Variants in ZFC3H1 observed in about 807,000 individuals in gnomAD.
ZFC3H1 encodes the protein zinc finger C3H1-type containing, also known as zinc finger C3H1 domain-containing protein.
In ZFC3H1, 71 loss-of-function variants were observed where a neutral mutation model predicts 243.7. The observed-to-expected ratio is 0.29, with a 90% CI of 0.24 to 0.36. The LOEUF (loss-of-function observed/expected upper bound fraction) is 0.36, where lower values mean the gene tolerates loss of function less well. Ranked by LOEUF, ZFC3H1 falls within the 10% of genes least tolerant of loss-of-function variation. The pLI is 1.00. For missense variants in ZFC3H1, 1,966 were observed against 2,317.1 expected, an observed-to-expected ratio of 0.85 and a Z score of 3.11; for synonymous variants, 838 against 813.0, an observed-to-expected ratio of 1.03 and a Z score of -0.52.
chr12:71,643,942 C>CA (rs1880662852), intron 5 of ZFC3H1, among the ~76,000 whole-genome samples, 153 bp downstream of exon 5: 1 of 152,226 alleles, frequency 6.6e-6, no homozygotes, highest in Admixed American at 6.5e-5. Flanking sequence ...CCAATACCTA[C>CA]AACTATAAAA....
At position 71,629,671 on chromosome 12, in the gene ZFC3H1, C is replaced by T. The variant is rs956138284; in HGVS notation, c.3764G>A (p.Arg1255Gln). The change falls in exon 19 of 35, where the codon CGA becomes CAA. Residue 1255 changes from arginine to glutamine, a missense_variant. Coordinates refer to ENST00000378743, the MANE Select transcript of ZFC3H1 (RefSeq NM_144982.5). ...VEKLFGVNKD[R>Q]MSMDQMAVLL... ...AACAGCCATCTGGTCCATTGACATT[C>T]GATCTTTGTTTACTCCAAAAAGTTT... is the stretch of plus-strand genomic sequence containing the variant. 6 of 1,613,132 alleles carry T rather than the reference C, an allele frequency of 3.7e-6. No individual in the cohort carries two copies. The highest frequency in any genetic ancestry group is 2.2e-5 in the East Asian group (1 of 44,832).
rs141519253 is a variant in ZFC3H1 at position 71,656,745 on chromosome 12, T to C, written c.1015+140A>G. Reference sequence around the variant, plus strand: ...GTAAACAAAATTAGTAATTATTCAATGATATGAATGTCTACATAGAAAGTA... The same window carrying C: ...GTAAACAAAATTAGTAATTATTCAACGATATGAATGTCTACATAGAAAGTA... On this transcript the variant is annotated intron_variant, in intron 2 of 34. Coordinates refer to ENST00000378743, the MANE Select transcript of ZFC3H1 (RefSeq NM_144982.5). 1.8e-4 allele frequency: 148 copies of C among 842,284 alleles called. No homozygotes were observed. The African/African-American group carries it at 2.2e-3, about 12-fold the overall frequency. The allele number at this position is 842,284 out of a possible 1,614,324, so 52.2% of individuals were successfully genotyped here.
intron 2 of ZFC3H1, chr12:71,656,607 C>T (rs1881025153): frequency 1.6e-6 from 1 of 611,648 alleles, no homozygotes; most frequent in South Asian, 2.0e-5. Flanking sequence ...ATGTCAAAAC[C>T]ATTTTCTTTA....
In ZFC3H1 at chr12:71,644,214, C is replaced by T; in HGVS notation, c.1384G>A (p.Glu462Lys). The T allele has an allele frequency of 6.2e-7, 1 of 1,612,686 alleles. No individual in the cohort carries two copies. The highest frequency in any genetic ancestry group is 8.5e-7 in the Non-Finnish European group (1 of 1,179,168). ...KEEDQRKQAE[E>K]EERRKREEEI... ...TCCTCTCTTTTCCTTCTCTCTTCTT[C>T]TTCAGCTTGTTTCCGCTGATCCTCT... is the stretch of plus-strand genomic sequence containing the variant. Residue 462 changes from glutamate (E) to lysine (K), a missense_variant, in exon 5 of 35, where the codon GAA becomes AAA. By Grantham distance (56) the Glu-to-Lys change is moderately conservative. Around this residue, in one of 4 missense-constraint regions of ZFC3H1, gnomAD observed 91 missense variants for 107.6 expected, o/e 0.85. Coordinates refer to ENST00000378743, the MANE Select transcript of ZFC3H1 (RefSeq NM_144982.5).
chr12:71,646,102 T>G (rs2137550268), intron 3 of ZFC3H1, among the ~76,000 whole-genome samples: 1 of 152,334 alleles, frequency 6.6e-6, no homozygotes, highest in Admixed American at 6.5e-5. Context: ...TTTCTATTGT[T>G]AAACATAAAG....
chr12:71,614,219 GT>G (rs148326357), intron 30 of ZFC3H1, among the ~76,000 whole-genome samples: 2,007 of 152,042 alleles, frequency 0.013, 42 homozygotes, highest in African/African-American at 0.045. Flanking sequence ...AACATTACAG[GT>G]ATTACAATAG....
chr12:71,634,736 A>C lies in ZFC3H1; in HGVS notation c.2328T>G (p.Ile776Met), dbSNP rs777184263. The part of the protein sequence containing the change: ...TPEALPEEKK[I>M]EYRLLKEEIA... ...TCTCTTCCTTTAACAATCTATATTC[A>C]ATCTTCTTTTCTTCAGGCAAAGCCT... Residue 776 changes from isoleucine (I) to methionine (M), a missense_variant, in exon 11 of 35, where the codon ATT becomes ATG. Around this residue, in one of 4 missense-constraint regions of ZFC3H1, gnomAD observed 1,383 missense variants for 1,723.7 expected, o/e 0.80. Coordinates refer to ENST00000378743, the MANE Select transcript of ZFC3H1 (RefSeq NM_144982.5). The C allele has an allele frequency of 3.7e-6, 6 of 1,604,512 alleles. No individual in the cohort carries two copies. Among genetic ancestry groups the C allele is most frequent in the Admixed American group, 1.7e-5 (1 of 58,040 alleles).
intron 1 of ZFC3H1, among the ~76,000 whole-genome samples, chr12:71,662,181 A>G (rs925797581): frequency 1.3e-5 from 2 of 152,236 alleles, no homozygotes; most frequent in African/African-American, 4.8e-5. Flanking sequence ...ATGCTGAGTA[A>G]ACTCAGTAAT....
At chr12:71,615,912 T>C (rs959055487) in intron 27 of ZFC3H1, among the ~76,000 whole-genome samples, 4 of 152,148 alleles carry the variant, frequency 2.6e-5, no homozygotes, top group Non-Finnish European at 4.4e-5. Context: ...CATAATCCTC[T>C]AAATAAACCT....
chr12:71,663,634 A>C lies in ZFC3H1; in HGVS notation c.-24T>G. The C allele has an allele frequency of 6.3e-7, 1 of 1,599,094 alleles. No homozygotes were observed. On this transcript the variant is annotated 5_prime_UTR_variant, in exon 1 of 35. Coordinates refer to ENST00000378743, the MANE Select transcript of ZFC3H1 (RefSeq NM_144982.5). ...ATCCGGGGAGCAGCGCCTTCCACACAACCTTAGCCCTCCGTCCGGGGATCC... is the reference window on the plus strand; with the variant it reads ...ATCCGGGGAGCAGCGCCTTCCACACCACCTTAGCCCTCCGTCCGGGGATCC...
At chr12:71,658,282 A>ATTTTTTTTTT (rs11454442) in intron 1 of ZFC3H1, among the ~76,000 whole-genome samples, 3 of 92,810 alleles carry the variant, frequency 3.2e-5, no homozygotes, top group African/African-American at 4.4e-5. Flanking sequence ...TCATTTATAG[A>ATTTTTTTTTT]TTTTTTTTTT....
intron 2 of ZFC3H1, among the ~76,000 whole-genome samples, chr12:71,653,270 G>A (rs1011330611): frequency 1.3e-5 from 2 of 152,132 alleles, no homozygotes; most frequent in Non-Finnish European, 2.9e-5. Flanking sequence ...TCAGTAAGTG[G>A]GCTTAAGGCA....
At chr12:71,642,169 C>A (rs1196327549) in intron 6 of ZFC3H1, among the ~76,000 whole-genome samples, 2 of 152,136 alleles carry the variant, frequency 1.3e-5, no homozygotes, top group African/African-American at 4.8e-5. Flanking sequence ...CTTTCTAGAG[C>A]AAACAGTTAA....
chr12:71,627,031 A>C (rs1880187005), intron 21 of ZFC3H1, among the ~76,000 whole-genome samples: 1 of 152,190 alleles, frequency 6.6e-6, no homozygotes, highest in Non-Finnish European at 1.5e-5. Context: ...AAAGTTAAAT[A>C]AGCAACACAT....
At chr12:71,639,479 A>T in intron 6 of ZFC3H1, 1 of 198,048 alleles carries the variant, frequency 5.0e-6, no homozygotes, top group East Asian at 1.6e-4. Flanking sequence ...TAATAGTCAG[A>T]CACTTGATGG....
chr12:71,623,319 T>A (rs1450767794), intron 24 of ZFC3H1, 41 bp downstream of exon 24: 1 of 1,487,566 alleles, frequency 6.7e-7, no homozygotes, highest in African/African-American at 1.4e-5. Flanking sequence ...AACACTGATG[T>A]TATAACAGTT....
chr12:71,612,619 G>A (rs1879799984), intron 31 of ZFC3H1, among the ~76,000 whole-genome samples: 1 of 152,116 alleles, frequency 6.6e-6, no homozygotes, highest in African/African-American at 2.4e-5. Flanking sequence ...TAAATGAAAT[G>A]TAAATCCTTT....
At chr12:71,650,901 C>T (rs1407310837) in intron 2 of ZFC3H1, among the ~76,000 whole-genome samples, 3 of 152,184 alleles carry the variant, frequency 2.0e-5, no homozygotes, top group Non-Finnish European at 4.4e-5. Context: ...GATCTGCCCC[C>T]TCCTGCCATC....
chr12:71,658,282 A>ATTTTTTTTT (rs11454442), intron 1 of ZFC3H1, among the ~76,000 whole-genome samples: 3 of 92,808 alleles, frequency 3.2e-5, no homozygotes, highest in African/African-American at 4.4e-5. Flanking sequence ...TCATTTATAG[A>ATTTTTTTTT]TTTTTTTTTT....
Sources: gnomAD v4.1 joint callset for allele counts (sites outside exome capture counted in the v4.1 genomes callset) on GRCh38, gnomAD v4.1.1 for gene constraint, gnomAD v4.1.1 regional missense constraint, MANE v1.5 for transcripts, NCBI Gene and HGNC (gene_info 2026-07-23, HGNC 2026-07-21) for gene names.